SEMA4D: variants seen among roughly 807,000 people sequenced by gnomAD.
SEMA4D encodes the protein semaphorin 4D, also known as semaphorin-4D.
In SEMA4D, 22 loss-of-function variants were observed where a neutral mutation model predicts 74.8. That is an observed-to-expected ratio of 0.29 (90% confidence interval 0.21 to 0.42). SEMA4D has a LOEUF of 0.42. SEMA4D is among the 10% of genes least tolerant of loss of function. The pLI is 1.00. For synonymous variants in SEMA4D, 445 were observed against 463.7 expected (o/e 0.96, Z 0.52); for missense variants, 937 against 1,118.4 (o/e 0.84, Z 2.31).
chr9:89,364,349 T>G (rs1833243322), intron 16 of SEMA4D: 2 of 297,494 alleles, frequency 6.7e-6, no homozygotes, highest in Non-Finnish European at 1.3e-5. Context: ...ATCCCAAGGC[T>G]CTGCCATCAC....
downstream of SEMA4D, among the ~76,000 whole-genome samples, chr9:89,373,176 C>T (rs755317235): frequency 1.3e-5 from 2 of 152,256 alleles, no homozygotes; most frequent in Admixed American, 6.5e-5. Flanking sequence ...CGCCCTACTC[C>T]GCCCACGTGG....
At chr9:89,481,325 C>T (rs1824652636) in intron 1 of SEMA4D, among the ~76,000 whole-genome samples, 1 of 152,204 alleles carries the variant, frequency 6.6e-6, no homozygotes, top group Non-Finnish European at 1.5e-5. Context: ...GGAGCTGGTT[C>T]AGGGGCCCCT....
chr9:89,450,739 T>A lies in SEMA4D; in HGVS notation c.-244+5149A>T, dbSNP rs532275137. The stretch of plus-strand genomic sequence containing the variant: ...CCAGTGGGGAAACATTAGAAGAAAA[T>A]GAAGCTGGGGACCAAGGTGGGTCCC... On this transcript the variant is annotated intron_variant, in intron 2 of 15. Transcript: ENST00000422704. 460 of 1,369,454 alleles carry A rather than the reference T, an allele frequency of 3.4e-4. 1 individual carries two copies. Among genetic ancestry groups the A allele is most frequent in the Non-Finnish European group, 4.3e-4 (436 of 1,013,578 alleles). The allele number at this position is 1,369,454 out of a possible 1,614,324, so 84.8% of individuals were successfully genotyped here.
At chr9:89,419,185 A>C (rs976430773) in intron 2 of SEMA4D, among the ~76,000 whole-genome samples, 2 of 152,164 alleles carry the variant, frequency 1.3e-5, no homozygotes, top group Admixed American at 6.5e-5. Flanking sequence ...AGTGATCAGA[A>C]ACGATCACGA....
At chr9:89,418,240 C>T (rs1349791274) in intron 2 of SEMA4D, 29 of 688,884 alleles carry the variant, frequency 4.2e-5, no homozygotes, top group Non-Finnish European at 5.2e-5. Context: ...TTCTAGACTT[C>T]CTTAGACGCA....
At chr9:89,370,235 TTTA>T (rs1455129914) in intron 16 of SEMA4D, among the ~76,000 whole-genome samples, 4 of 137,720 alleles carry the variant, frequency 2.9e-5, no homozygotes, top group African/African-American at 9.9e-5. Context: ...GTGCTGTGCA[TTTA>T]TTGTGTGCAT....
intron 2 of SEMA4D, among the ~76,000 whole-genome samples, chr9:89,445,635 C>T (rs959833505): frequency 3.3e-5 from 5 of 152,250 alleles, no homozygotes; most frequent in African/African-American, 1.2e-4. Context: ...TTATTATGTG[C>T]TCGGCTCACG....
rs1836933197 is a variant in SEMA4D, at chr9:89,381,101, G to A, written c.1620-3C>T. On this transcript the variant is annotated splice_polypyrimidine_tract_variant and splice_region_variant and intron_variant, in intron 14 of 15. Transcript: ENST00000422704. This position sits in a 1 kb window ranked among gnomAD's most constrained non-coding sequence, Gnocchi z 4.6. ...CGCTCATCTCCTGAATCAAACCCCT[G>A]CAAAACAACCGGCACGTGTTATTCA... is the stretch of plus-strand genomic sequence containing the variant. The A allele has an allele frequency of 1.9e-6, 3 of 1,614,122 alleles. No individual in the cohort carries two copies. The highest frequency in any genetic ancestry group is 2.5e-6 in the Non-Finnish European group (3 of 1,180,032).
intron 7 of SEMA4D, 126 bp downstream of exon 7, chr9:89,393,436 A>G: frequency 1.3e-6 from 1 of 744,970 alleles, no homozygotes; most frequent in South Asian, 1.7e-5. Flanking sequence ...TGCCTTTTGT[A>G]AGGATAGCTC....
intron 1 of SEMA4D, among the ~76,000 whole-genome samples, chr9:89,474,484 G>A (rs923671717): frequency 6.6e-6 from 1 of 152,170 alleles, no homozygotes; most frequent in Non-Finnish European, 1.5e-5. Context: ...AATAGCCTGC[G>A]TAAACTGCGT....
intron 2 of SEMA4D, among the ~76,000 whole-genome samples, chr9:89,434,768 C>G (rs747773702): frequency 6.6e-6 from 1 of 152,102 alleles, no homozygotes; most frequent in Non-Finnish European, 1.5e-5. Context: ...ATCATTCATC[C>G]TCCTGCAGAC....
chr9:89,417,537 T>C (rs1436450342), intron 2 of SEMA4D, among the ~76,000 whole-genome samples: 1 of 152,256 alleles, frequency 6.6e-6, no homozygotes, highest in Non-Finnish European at 1.5e-5. Flanking sequence ...GGTTTGACTT[T>C]TGTTTTCACA....
Position 89,377,884 on chromosome 9 carries a change from G to A in SEMA4D, c.*820C>T, listed in dbSNP as rs928106092. On this transcript the variant is annotated 3_prime_UTR_variant, in exon 16 of 16. Transcript: ENST00000422704. ...TGGGAAGGTCCTCTTCTTCGAGAGA[G>A]TAAAAGTTAAAAAAAAAGAAAAGTA... 5.4e-5 allele frequency: 8 copies of A among 148,808 alleles called. No homozygotes were observed. Among genetic ancestry groups the A allele is most frequent in the African/African-American group, 2.0e-4 (8 of 40,230 alleles). 9.2% of individuals were successfully genotyped at this position (148,808 alleles called of 1,614,324 possible).
intron 2 of SEMA4D, among the ~76,000 whole-genome samples, chr9:89,429,007 G>C (rs1025745081): frequency 2.0e-5 from 3 of 152,158 alleles, no homozygotes; most frequent in African/African-American, 7.2e-5. Context: ...CTGTGGGGGG[G>C]GTCTCCCCTT....
In SEMA4D at chr9:89,379,234, C is replaced by T. The variant is rs200127158; in HGVS notation, c.2059G>A (p.Val687Met). Residue 687 changes from valine (V) to methionine (M), a missense_variant, in exon 16 of 16, where the codon GTG becomes ATG. By Grantham distance (21) the Val-to-Met change is conservative. Transcript: ENST00000422704. ...ATGGCCCCGGAGGAGGTGGCCTGCA[C>T]GGCTGGGGTTGGGGGAGAAGACCCT... Reference protein sequence around the residue: ...TQGSSPPTPAVQATSSGAITL... With the variant: ...TQGSSPPTPAMQATSSGAITL... 5.3e-5 allele frequency: 85 copies of T among 1,613,770 alleles called. No homozygotes were observed. The highest frequency in any genetic ancestry group is 1.6e-4 in the Middle Eastern group (1 of 6,080).
intron 2 of SEMA4D, among the ~76,000 whole-genome samples, chr9:89,437,173 T>C (rs1228648890): frequency 1.3e-5 from 2 of 152,232 alleles, no homozygotes; most frequent in Non-Finnish European, 2.9e-5. Context: ...TGCAGGGCCC[T>C]GGCTGCTCTG....
rs1450023578 is a variant in SEMA4D at position 89,378,516 on chromosome 9, G to A, written c.*188C>T. ...TGCAATGCTTGTCATTTTTCCAAAA[G>A]GACAAAGAGAAACCAAGTCACAGGC... is the stretch of plus-strand genomic sequence containing the variant. On this transcript the variant is annotated 3_prime_UTR_variant, in exon 16 of 16. Coordinates refer to ENST00000422704, the MANE Select transcript of SEMA4D (RefSeq NM_001371194.2). 6 of 585,250 alleles carry A rather than the reference G, an allele frequency of 1.0e-5. No homozygotes were observed. Among genetic ancestry groups the A allele is most frequent in the Non-Finnish European group, 1.5e-5 (5 of 329,872 alleles). The allele number at this position is 585,250 out of a possible 1,614,324, so 36.3% of individuals were successfully genotyped here.
rs560726421 is a variant in SEMA4D at position 89,388,982 on chromosome 9, G to C, written c.840C>G (p.Ile280Met). The C allele has an allele frequency of 1.2e-6, 2 of 1,614,146 alleles. No individual in the cohort carries two copies. The highest frequency in any genetic ancestry group is 2.2e-5 in the South Asian group (2 of 91,086). ...KWTSFLKARL[I>M]CSRPDSGLVF... ...CCAAGCCGCTGTCTGGCCGGGAGCA[G>C]ATGAGTCGGGCTTTCAGGAAGGAGG... Residue 280 changes from isoleucine to methionine, a missense_variant, in exon 10 of 16, where the codon ATC becomes ATG. Transcript: ENST00000422704.
At chr9:89,362,549 T>C in intron 18 of SEMA4D, 2 of 1,559,806 alleles carry the variant, frequency 1.3e-6, no homozygotes, top group African/African-American at 1.4e-5. Context: ...CCCCCTGTTG[T>C]GGTTCCCCTC....
Sources: gnomAD v4.1 joint callset for allele counts (sites outside exome capture counted in the v4.1 genomes callset) on GRCh38, gnomAD v4.1.1 for gene constraint, Gnocchi (gnomAD v3.1) non-coding constraint, MANE v1.5 for transcripts, NCBI Gene and HGNC (gene_info 2026-07-23, HGNC 2026-07-21) for gene names.